The following SPA17 variants were observed in gnomAD, a reference collection of about 807,000 sequenced individuals.
The protein encoded by SPA17 is sperm autoantigenic protein 17.
SPA17 carries 7 observed loss-of-function variants against 13.8 expected under a neutral mutation model. The observed-to-expected ratio is 0.51, with a 90% confidence interval of 0.29 to 0.95. The LOEUF (loss-of-function observed/expected upper bound fraction) is 0.95. Among genes scored for constraint, SPA17 ranks in the 40% least tolerant of loss-of-function variants. SPA17 has a pLI of 0.08. For synonymous variants in SPA17, 61 were observed against 59.0 expected (o/e 1.03, Z -0.16); for missense variants, 170 against 179.3 (o/e 0.95, Z 0.30).
intron 4 of SPA17, among the ~76,000 whole-genome samples, chr11:124,692,258 G>A (rs113490438): frequency 1.4e-3 from 207 of 152,208 alleles, no homozygotes; most frequent in African/African-American, 4.2e-3. Flanking sequence ...AAATGCCTTC[G>A]TGCCTGATGT....
intron 4 of SPA17, among the ~76,000 whole-genome samples, chr11:124,692,854 C>T (rs369939576): frequency 8.5e-5 from 13 of 152,116 alleles, no homozygotes; most frequent in African/African-American, 3.1e-4. Flanking sequence ...TTCTGAGTTC[C>T]TTTTTATGTC....
rs185768840 is a variant in SPA17, at chr11:124,675,271, A to G, written c.7A>G (p.Ile3Val). 65 of 1,612,392 alleles carry G rather than the reference A, an allele frequency of 4.0e-5. No homozygotes were observed. The Middle Eastern group carries it at 5.0e-4, about 12-fold the overall frequency. MS[I>V]PFSNTHYRIP... ...GGCAGTTCTTACCAAGAAGATGTCG[A>G]TTCCATTCTCCAACACCCACTACCG... Residue 3 changes from isoleucine to valine, a missense_variant, in exon 2 of 5, where the codon ATT becomes GTT. Physicochemically the swap from Ile to Val is conservative, Grantham distance 29. Coordinates refer to ENST00000227135, the MANE Select transcript of SPA17 (RefSeq NM_017425.4).
At chr11:124,691,837 A>G (rs768948092) in intron 4 of SPA17, 55 bp downstream of exon 4, 8 of 1,158,658 alleles carry the variant, frequency 6.9e-6, no homozygotes, top group South Asian at 1.5e-5. Flanking sequence ...ATATTGCCCA[A>G]TTTAAAACTG....
intron 2 of SPA17, among the ~76,000 whole-genome samples, chr11:124,680,669 G>T (rs985471231): frequency 4.6e-5 from 7 of 151,982 alleles, no homozygotes; most frequent in African/African-American, 1.5e-4. Flanking sequence ...TGGTGGTGTG[G>T]TTATATTTTA....
rs1307018874 is a variant in SPA17 at position 124,697,100 on chromosome 11, C to T, written c.*2654C>T. 4 of 152,262 alleles carry T rather than the reference C, an allele frequency of 2.6e-5. No homozygotes were observed. The highest frequency in any genetic ancestry group is 2.1e-4 in the South Asian group (1 of 4,830). 9.4% of individuals were successfully genotyped at this position (152,262 alleles called of 1,614,324 possible). ...ATACTCAGAATCTGCCTACTTCTAACCACTTCCATTGTTACCGCCTTGGTC... is the reference window on the plus strand; with the variant it reads ...ATACTCAGAATCTGCCTACTTCTAATCACTTCCATTGTTACCGCCTTGGTC... On this transcript the variant is annotated 3_prime_UTR_variant, in exon 5 of 5. Coordinates refer to ENST00000227135, the MANE Select transcript of SPA17 (RefSeq NM_017425.4).
rs375649116 is a variant in SPA17, at chr11:124,694,475, G to C, written c.*29G>C. ...CACTGGTTTTACCTCCAGGAAACAT[G>C]AAAAATAATCCAAATCCATCAACCT... On this transcript the variant is annotated 3_prime_UTR_variant, in exon 5 of 5. Transcript: ENST00000227135. 5 of 1,572,176 alleles carry C rather than the reference G, an allele frequency of 3.2e-6. No homozygotes were observed. In the African/African-American group the frequency reaches 6.9e-5, roughly 22 times the overall value.
chr11:124,693,501 TAC>T (rs1031224801), intron 4 of SPA17, among the ~76,000 whole-genome samples: 22 of 151,856 alleles, frequency 1.4e-4, no homozygotes, highest in Non-Finnish European at 3.1e-4. Context: ...TATATATATA[TAC>T]CCATATGAAT....
chr11:124,682,769 T>C (rs993749097), intron 3 of SPA17, among the ~76,000 whole-genome samples: 6 of 152,108 alleles, frequency 3.9e-5, no homozygotes, highest in Non-Finnish European at 7.4e-5. Context: ...GAATTATTGG[T>C]ATCCGCAAGG....
chr11:124,691,934 G>A, intron 4 of SPA17, 152 bp downstream of exon 4: 1 of 475,634 alleles, frequency 2.1e-6, no homozygotes, highest in Non-Finnish European at 3.6e-6. Flanking sequence ...AAACTAACTG[G>A]TAGATAATTT....
chr11:124,691,769 C>G lies in SPA17; in HGVS notation c.299C>G (p.Ser100Ter), dbSNP rs750272932. The change falls in exon 4 of 5, where the codon TCA becomes TGA. Residue 100 changes from serine (S) to a stop codon, truncating the protein, a stop_gained. Coordinates refer to ENST00000227135, the MANE Select transcript of SPA17 (RefSeq NM_017425.4). LOFTEE classifies it low-confidence loss of function (END_TRUNC). ...SQISGKEEET[S>*]VTILDSSEED... ...ATATCTGGGAAGGAGGAAGAGACAT[C>G]AGTCACCATCTTAGTATGTAATATT... 1.2e-6 allele frequency: 2 copies of G among 1,606,064 alleles called. No individual in the cohort carries two copies. The highest frequency in any genetic ancestry group is 1.7e-6 in the Non-Finnish European group (2 of 1,174,820).
At chr11:124,687,335 T>C (rs961026687) in intron 3 of SPA17, among the ~76,000 whole-genome samples, 5 of 151,652 alleles carry the variant, frequency 3.3e-5, no homozygotes, top group African/African-American at 4.8e-5. Context: ...AGCCCAGGAC[T>C]GGATGGTTTC....
intron 1 of SPA17, 143 bp from the exon 2 acceptor site, chr11:124,675,095 A>G (rs1198069256): frequency 1.4e-6 from 1 of 737,394 alleles, no homozygotes; most frequent in Non-Finnish European, 2.1e-6. Context: ...TCTTTGGAAG[A>G]AATGGATGGG....
chr11:124,686,689 A>G (rs981035493), intron 3 of SPA17, among the ~76,000 whole-genome samples: 1 of 152,080 alleles, frequency 6.6e-6, no homozygotes, highest in African/African-American at 2.4e-5. Flanking sequence ...ATGGTTCTGA[A>G]TGTCTGTTGG....
intron 4 of SPA17, among the ~76,000 whole-genome samples, chr11:124,693,652 C>A (rs1171001282): frequency 6.6e-6 from 1 of 152,068 alleles, no homozygotes; most frequent in Non-Finnish European, 1.5e-5. Flanking sequence ...GTATACATGT[C>A]ATTTCTATAA....
At chr11:124,693,624 C>T (rs1177643797) in intron 4 of SPA17, among the ~76,000 whole-genome samples, 1 of 152,006 alleles carries the variant, frequency 6.6e-6, no homozygotes, top group Admixed American at 6.6e-5. Flanking sequence ...CTGCCAGTGA[C>T]ATTTGAGTTT....
Position 124,691,503 on chromosome 11 carries a change from G to A in SPA17, c.226-193G>A, listed in dbSNP as rs570559878. ...TTTGGTCTTTAATATTTGTTTACAC[G>A]TATTTCCTTAAGAGCTTTTATTATT... On this transcript the variant is annotated intron_variant, in intron 3 of 4. Transcript: ENST00000227135. Among the ~76,000 whole-genome samples, 4 of 152,152 alleles carry A rather than the reference G, an allele frequency of 2.6e-5. No homozygotes were observed. In the South Asian group the frequency reaches 6.2e-4, roughly 24 times the overall value.
chr11:124,687,391 C>A (rs530546700), intron 3 of SPA17, among the ~76,000 whole-genome samples: 1 of 152,118 alleles, frequency 6.6e-6, no homozygotes, highest in Non-Finnish European at 1.5e-5. Flanking sequence ...GAGCTAATAC[C>A]AAGCCTCCTG....
At chr11:124,688,726 A>G (rs1943597832) in intron 3 of SPA17, among the ~76,000 whole-genome samples, 1 of 152,260 alleles carries the variant, frequency 6.6e-6, no homozygotes, top group Non-Finnish European at 1.5e-5. Flanking sequence ...GAATTGAGAA[A>G]AACAATCCTA....
intron 3 of SPA17, 128 bp downstream of exon 3, chr11:124,681,587 T>C (rs1049471153): frequency 8.4e-6 from 3 of 358,012 alleles, no homozygotes; most frequent in African/African-American, 6.5e-5. Context: ...TTAAATCTTA[T>C]TAAATTAAAA....
Sources: gnomAD v4.1 joint callset for allele counts (sites outside exome capture counted in the v4.1 genomes callset) on GRCh38, gnomAD v4.1.1 for gene constraint, MANE v1.5 for transcripts, NCBI Gene and HGNC (gene_info 2026-07-23, HGNC 2026-07-21) for gene names.